Variants in ARHGEF2 observed in about 807,000 individuals in gnomAD.
The protein encoded by ARHGEF2 is Rho/Rac guanine nucleotide exchange factor 2, also known as rho guanine nucleotide exchange factor 2.
ARHGEF2 carries 22 observed loss-of-function variants against 121.0 expected under a neutral mutation model. The observed-to-expected ratio is 0.18, with a 90% CI of 0.13 to 0.26. The LOEUF (loss-of-function observed/expected upper bound fraction) is 0.26. ARHGEF2 is among the 10% of genes least tolerant of loss of function. The pLI, the probability that ARHGEF2 is intolerant of heterozygous loss-of-function variation, is 1.00. For missense variants in ARHGEF2, 907 were observed against 1,336.0 expected (o/e 0.68, Z 5.01); for synonymous variants, 487 against 530.0 (o/e 0.92, Z 1.11).
intron 13 of ARHGEF2, 68 bp downstream of exon 13, chr1:155,957,645 T>C (rs552870292): frequency 1.0e-5 from 15 of 1,500,030 alleles, no homozygotes; most frequent in East Asian, 9.3e-5. Context: ...GGGAGTTCTA[T>C]GGTTGGGATC....
intron 3 of ARHGEF2, 33 bp from the exon 4 acceptor site, chr1:155,966,512 G>C (rs1487444042): frequency 1.6e-5 from 26 of 1,612,510 alleles, no homozygotes; most frequent in Non-Finnish European, 2.0e-5. Flanking sequence ...GAGATACCAA[G>C]AATGGCTGTC....
intron 7 of ARHGEF2, among the ~76,000 whole-genome samples, chr1:155,963,640 G>A (rs1380614001): frequency 2.0e-5 from 3 of 147,176 alleles, no homozygotes; most frequent in Non-Finnish European, 4.5e-5. Flanking sequence ...CACCACACCC[G>A]GCCCTCATTT....
chr1:155,964,036 T>G (rs1287624295), intron 7 of ARHGEF2, among the ~76,000 whole-genome samples: 2 of 149,436 alleles, frequency 1.3e-5, no homozygotes, highest in Non-Finnish European at 3.0e-5. Context: ...TCCCAGCTAC[T>G]TGGGAGGCTG....
chr1:155,964,971 G>A lies in ARHGEF2; in HGVS notation c.724+17C>T. 1.2e-6 allele frequency: 2 copies of A among 1,611,024 alleles called. No individual in the cohort carries two copies. Among genetic ancestry groups the A allele is most frequent in the Non-Finnish European group, 1.7e-6 (2 of 1,178,036 alleles). On this transcript the variant is annotated intron_variant, in intron 7 of 21. Transcript: ENST00000361247. ...ACCTGGTGAAGGAAGAGGAAGACTAGGGTGGTCTTGGCTTACCATAGATGA... is the reference window on the plus strand; with the variant it reads ...ACCTGGTGAAGGAAGAGGAAGACTAAGGTGGTCTTGGCTTACCATAGATGA...
At chr1:155,957,959 A>G (rs1677045411) in intron 12 of ARHGEF2, 77 bp from the exon 13 acceptor site, 2 of 1,458,090 alleles carry the variant, frequency 1.4e-6, no homozygotes, top group Middle Eastern at 1.8e-4. Context: ...ATCCTTCTGG[A>G]CGAGGACTGA....
Position 155,966,488 on chromosome 1 carries a change from CAGAG to C in ARHGEF2, c.277-13_277-10del, listed in dbSNP as rs745607260. ...AGGGCCGCTTTCTGTTGCTGTGAGA[CAGAG>C]AGCAGGAGAGAGATACCAAGAATGG... On this transcript the variant is annotated splice_polypyrimidine_tract_variant and intron_variant, in intron 3 of 21. Transcript: ENST00000361247. 3.1e-6 allele frequency: 5 copies of C among 1,614,110 alleles called. No homozygotes were observed. The Admixed American group carries it at 8.3e-5, about 27-fold the overall frequency.
At chr1:155,978,863 T>A (rs774381326), upstream of ARHGEF2, 135 of 971,056 alleles carry the variant, frequency 1.4e-4, no homozygotes, top group Non-Finnish European at 1.6e-4. The surrounding 1 kb of genome is among the most constrained non-coding windows in gnomAD (Gnocchi z 4.1). Context: ...TGCCCTCCCC[T>A]TCTTCCCTTC....
At chr1:155,974,957 G>A (rs1234323125) in intron 1 of ARHGEF2, among the ~76,000 whole-genome samples, 5 of 152,196 alleles carry the variant, frequency 3.3e-5, no homozygotes, top group African/African-American at 1.2e-4. Context: ...GGGTTGGGAG[G>A]GGGGCAGCTG....
intron 1 of ARHGEF2, chr1:155,970,099 T>C (rs1054517723): frequency 1.0e-6 from 1 of 985,358 alleles, no homozygotes; most frequent in Admixed American, 6.1e-5. Context: ...TTTATCCCTC[T>C]CATACTACTT....
intron 13 of ARHGEF2, 45 bp from the exon 14 acceptor site, chr1:155,955,014 G>A (rs1248508186): frequency 2.6e-6 from 4 of 1,539,872 alleles, no homozygotes; most frequent in Non-Finnish European, 3.6e-6. Flanking sequence ...CAGAAGCTAG[G>A]TTATAGACCA....
chr1:155,948,346 A>C (rs1674717693), intron 21 of ARHGEF2, among the ~76,000 whole-genome samples: 1 of 152,190 alleles, frequency 6.6e-6, no homozygotes, highest in South Asian at 2.1e-4. Context: ...TTTTTACTTT[A>C]AAAACTGGCC....
At chr1:155,977,844 G>A (rs72708220) in intron 1 of ARHGEF2, among the ~76,000 whole-genome samples, 3,433 of 152,252 alleles carry the variant, frequency 0.023, 41 homozygotes, top group Middle Eastern at 0.068. Context: ...TGTCTTGGAG[G>A]GGTGGTGGTG....
intron 1 of ARHGEF2, among the ~76,000 whole-genome samples, chr1:155,976,570 C>G (rs1681326886): frequency 6.6e-6 from 1 of 151,308 alleles, no homozygotes; most frequent in Admixed American, 6.6e-5. Flanking sequence ...CAGCTCCCCA[C>G]AATAATGGAA....
At chr1:155,956,887 C>CAA (rs34831517) in intron 13 of ARHGEF2, among the ~76,000 whole-genome samples, 5,325 of 76,866 alleles carry the variant, frequency 0.069, 60 homozygotes, top group African/African-American at 0.09. Context: ...ACTCTGTCTC[C>CAA]AAAAAAAAAA....
In ARHGEF2 at chr1:155,963,123, C is replaced by A. The variant is rs202055763; in HGVS notation, c.785G>T (p.Arg262Leu). 6.0e-5 allele frequency: 97 copies of A among 1,613,790 alleles called. No individual in the cohort carries two copies. Among genetic ancestry groups the A allele is most frequent in the African/African-American group, 4.0e-5 (3 of 74,982 alleles). The change falls in exon 8 of 22, where the codon CGC becomes CTC. Residue 262 changes from arginine to leucine, a missense_variant. Arg to Leu is a moderately radical substitution (Grantham distance 102, BLOSUM62 -2). Coordinates refer to ENST00000361247, the MANE Select transcript of ARHGEF2 (RefSeq NM_001162383.2). ...RTLKIMTRLF[R>L]TGMLEELHLE... ...GTGTAGCTCTTCCAGCATCCCCGTG[C>A]GGAAGAGGCGGGTCATGATCTTCAG...
chr1:155,956,287 C>T (rs536991270), intron 13 of ARHGEF2, among the ~76,000 whole-genome samples: 3 of 151,888 alleles, frequency 2.0e-5, no homozygotes, highest in Non-Finnish European at 2.9e-5. Flanking sequence ...TTAGTAGAGA[C>T]GAGGTTTCAC....
In ARHGEF2 at chr1:155,962,917, T is replaced by G; in HGVS notation, c.975+16A>C. 6.2e-7 allele frequency: 1 copy of G among 1,613,848 alleles called. No homozygotes were observed. ...TCCTTCCATGAATGTCACCCAGGGGTCCTGCCTTTTCCCACCTGGCTGATG... is the reference window on the plus strand; with the variant it reads ...TCCTTCCATGAATGTCACCCAGGGGGCCTGCCTTTTCCCACCTGGCTGATG... On this transcript the variant is annotated intron_variant, in intron 8 of 21. Transcript: ENST00000361247. This position sits in a 1 kb window ranked among gnomAD's most constrained non-coding sequence, Gnocchi z 5.8.
chr1:155,971,604 T>C (rs1680480222), intron 1 of ARHGEF2, among the ~76,000 whole-genome samples: 1 of 95,968 alleles, frequency 1.0e-5, no homozygotes, highest in Admixed American at 1.1e-4. Context: ...AAGTTCAAAT[T>C]CACCTTTGAA....
intron 7 of ARHGEF2, among the ~76,000 whole-genome samples, chr1:155,964,184 A>G (rs1206669180): frequency 2.9e-4 from 31 of 107,250 alleles, no homozygotes; most frequent in African/African-American, 6.5e-4. Context: ...ATATATATAT[A>G]TATATATATA....
Sources: gnomAD v4.1 joint callset for allele counts (sites outside exome capture counted in the v4.1 genomes callset) on GRCh38, gnomAD v4.1.1 for gene constraint, Gnocchi (gnomAD v3.1) non-coding constraint, MANE v1.5 for transcripts, NCBI Gene and HGNC (gene_info 2026-07-23, HGNC 2026-07-21) for gene names.